The following SMYD3 variants were observed in gnomAD, a reference collection of about 807,000 sequenced individuals.
The protein encoded by SMYD3 is histone-lysine N-methyltransferase SMYD3.
SMYD3 carries 36 observed loss-of-function variants against 57.7 expected under a neutral mutation model. That is an observed-to-expected ratio of 0.62 (90% confidence interval 0.48 to 0.82). The LOEUF (loss-of-function observed/expected upper bound fraction) is 0.82. SMYD3 is among the 40% of genes least tolerant of loss of function. SMYD3 has a pLI of 0.00. For synonymous variants in SMYD3, 211 were observed against 195.0 expected, an observed-to-expected ratio of 1.08 and a Z score of -0.68; for missense variants, 515 against 538.8, an observed-to-expected ratio of 0.96 and a Z score of 0.44.
At chr1:245,929,561 T>C (rs1184588288) in intron 6 of SMYD3, among the ~76,000 whole-genome samples, 1 of 152,186 alleles carries the variant, frequency 6.6e-6, no homozygotes, top group Non-Finnish European at 1.5e-5. Context: ...AACTGGGGAA[T>C]AACCAAAAAT....
intron 10 of SMYD3, among the ~76,000 whole-genome samples, chr1:245,787,627 TAA>T (rs35007742): frequency 3.1e-4 from 46 of 146,208 alleles, no homozygotes; most frequent in Admixed American, 3.4e-4. Flanking sequence ...ATCAGGGTGT[TAA>T]AAAAAAAAAA....
chr1:246,344,199 C>T (rs2065676111), intron 2 of SMYD3, among the ~76,000 whole-genome samples: 1 of 152,040 alleles, frequency 6.6e-6, no homozygotes. Flanking sequence ...AGTTATGACA[C>T]ATATATCTCC....
intron 5 of SMYD3, among the ~76,000 whole-genome samples, chr1:246,162,902 G>A (rs2062146464): frequency 6.6e-6 from 1 of 152,190 alleles, no homozygotes; most frequent in Non-Finnish European, 1.5e-5. Context: ...GTGGCTTAGA[G>A]GCTAAGTACA....
chr1:245,798,484 C>CCACA (rs146927711), intron 10 of SMYD3, among the ~76,000 whole-genome samples: 60 of 132,274 alleles, frequency 4.5e-4, no homozygotes, highest in Middle Eastern at 3.8e-3. Flanking sequence ...ACACAACACA[C>CCACA]CACACACACA....
In SMYD3 at chr1:246,327,303, G is replaced by GCC. The variant is rs1209705174; in HGVS notation, c.427_428dup (p.Leu144AlafsTer6). The GCC allele has an allele frequency of 6.2e-7, 1 of 1,613,390 alleles. No individual in the cohort carries two copies. Among genetic ancestry groups the GCC allele is most frequent in the Non-Finnish European group, 8.5e-7 (1 of 1,179,720 alleles). Reference sequence around the variant, plus strand: ...GAAATGTCATTACGAGTTGCCTGAGGCCCTCTTTCTTATCTTCAGTCAGTT... The same window carrying GCC: ...GAAATGTCATTACGAGTTGCCTGAGGCCCCCTCTTTCTTATCTTCAGTCAGTT... On this transcript the variant is annotated frameshift_variant, in exon 5 of 12. Transcript: ENST00000490107. LOFTEE classifies it high-confidence loss of function.
intron 5 of SMYD3, among the ~76,000 whole-genome samples, chr1:246,310,878 C>T (rs997365209): frequency 6.6e-6 from 1 of 151,910 alleles, no homozygotes; most frequent in Non-Finnish European, 1.5e-5. Context: ...CCATGTTGGC[C>T]AGGCTGGTCT....
chr1:246,444,053 G>A (rs2067511966), intron 1 of SMYD3, among the ~76,000 whole-genome samples: 1 of 152,006 alleles, frequency 6.6e-6, no homozygotes, highest in South Asian at 2.1e-4. Context: ...TTTGTTACCT[G>A]GAGGAAACAT....
intron 5 of SMYD3, among the ~76,000 whole-genome samples, chr1:246,089,604 T>G (rs1032754545): frequency 2.6e-5 from 4 of 152,174 alleles, no homozygotes; most frequent in Admixed American, 2.6e-4. Flanking sequence ...AAGATTTTGG[T>G]TTCTAAAAAT....
At chr1:245,759,378 G>A (rs2791376) in intron 11 of SMYD3, among the ~76,000 whole-genome samples, 58,120 of 151,742 alleles carry the variant, frequency 0.38, 11,980 homozygotes, top group African/African-American at 0.51. Flanking sequence ...TTTAACCTAG[G>A]CACCATGGAT....
intron 5 of SMYD3, among the ~76,000 whole-genome samples, chr1:246,265,649 A>C (rs1770013): frequency 0.38 from 57,161 of 151,976 alleles, 11,652 homozygotes; most frequent in East Asian, 0.79. Flanking sequence ...AAAAAGTCAG[A>C]AAATCAGCAA....
At chr1:245,946,436 C>T (rs1202624439) in intron 5 of SMYD3, among the ~76,000 whole-genome samples, 1 of 152,182 alleles carries the variant, frequency 6.6e-6, no homozygotes, top group African/African-American at 2.4e-5. Context: ...ATCTGACGTT[C>T]CCACGCCACT....
In SMYD3 at chr1:245,953,947, T is replaced by G. The variant is rs186873609; in HGVS notation, c.532-24010A>C. ...AGCAAGATTTTCAACAATGATTATT[T>G]TAATTTTAAAAAGGATTTTGTGTAA... is the stretch of plus-strand genomic sequence containing the variant. On this transcript the variant is annotated intron_variant, in intron 5 of 11. Coordinates refer to ENST00000490107, the MANE Select transcript of SMYD3 (RefSeq NM_001167740.2). Among the ~76,000 whole-genome samples, 4 of 152,328 alleles carry G rather than the reference T, an allele frequency of 2.6e-5. No homozygotes were observed. In the South Asian group the frequency reaches 8.3e-4, roughly 32 times the overall value.
intron 5 of SMYD3, among the ~76,000 whole-genome samples, chr1:246,060,582 A>ATTTTTT (rs1558191811): frequency 1.3e-5 from 2 of 152,176 alleles, no homozygotes; most frequent in African/African-American, 4.8e-5. Flanking sequence ...CATTTTAATA[A>ATTTTTT]ATTTTTATGA....
chr1:245,790,273 G>C (rs555308069), intron 10 of SMYD3, among the ~76,000 whole-genome samples: 1 of 152,284 alleles, frequency 6.6e-6, no homozygotes, highest in South Asian at 2.1e-4. Context: ...AGAATTCAAC[G>C]AACTGATGGA....
intron 10 of SMYD3, among the ~76,000 whole-genome samples, chr1:245,767,558 A>C (rs866216090): frequency 1.3e-5 from 2 of 152,202 alleles, no homozygotes; most frequent in African/African-American, 4.8e-5. Context: ...TGATCAGGGG[A>C]GTGGCAGAGC....
intron 10 of SMYD3, among the ~76,000 whole-genome samples, chr1:245,809,706 C>CA (rs2048359509): frequency 6.6e-6 from 1 of 152,164 alleles, no homozygotes; most frequent in South Asian, 2.1e-4. Context: ...CTGACCAGGA[C>CA]AAAAAGGGGA....
At chr1:245,948,626 G>A (rs990226044) in intron 5 of SMYD3, among the ~76,000 whole-genome samples, 1 of 92,506 alleles carries the variant, frequency 1.1e-5, no homozygotes, top group African/African-American at 4.4e-5. Flanking sequence ...CTTCCACCAG[G>A]CAGCATCCTG....
chr1:246,173,674 C>T (rs1416790178), intron 5 of SMYD3, among the ~76,000 whole-genome samples: 1 of 152,136 alleles, frequency 6.6e-6, no homozygotes, highest in Non-Finnish European at 1.5e-5. Flanking sequence ...CACTGTCTTC[C>T]ACCTCCATAT....
At chr1:245,867,668 G>GCGCA (rs1553345565) in intron 8 of SMYD3, among the ~76,000 whole-genome samples, 40 of 149,052 alleles carry the variant, frequency 2.7e-4, no homozygotes, top group African/African-American at 8.8e-4. Context: ...GCGTGCGCGC[G>GCGCA]CACACACACA....
Sources: gnomAD v4.1 joint callset for allele counts (sites outside exome capture counted in the v4.1 genomes callset) on GRCh38, gnomAD v4.1.1 for gene constraint, MANE v1.5 for transcripts, NCBI Gene and HGNC (gene_info 2026-07-23, HGNC 2026-07-21) for gene names.